Variants in OR51E2 observed in about 807,000 individuals in gnomAD.
OR51E2 encodes the protein olfactory receptor family 51 subfamily E member 2.
Under a neutral mutation model 13.7 loss-of-function variants are expected in OR51E2, and 14 were observed. That is an observed-to-expected ratio of 1.02 (90% CI 0.68 to 1.60). The LOEUF (loss-of-function observed/expected upper bound fraction) is 1.60. Ranked by LOEUF, OR51E2 falls within the 40% of genes most tolerant of loss-of-function variation. The pLI is 0.00. For synonymous variants in OR51E2, 180 were observed against 157.6 expected, an observed-to-expected ratio of 1.14 and a Z score of -1.07; for missense variants, 483 against 413.8, an observed-to-expected ratio of 1.17 and a Z score of -1.45.
In OR51E2 at chr11:4,682,053, A is replaced by G. The variant is rs1182465868; in HGVS notation, c.659T>C (p.Ile220Thr). ...VMFISLSYFL[I>T]IRTVLQLPSK... Reference sequence around the variant, plus strand: ...AGGCAGTTGCAGAACCGTTCGTATTATCAGAAAATAGGACAAGGAGATGAA... The same window carrying G: ...AGGCAGTTGCAGAACCGTTCGTATTGTCAGAAAATAGGACAAGGAGATGAA... The change falls in exon 2 of 2, where the codon ATA (isoleucine) becomes ACA (threonine). Residue 220 changes from isoleucine (I) to threonine (T), a missense_variant. Ile to Thr is a moderately conservative substitution (Grantham distance 89, BLOSUM62 -1). Transcript: ENST00000396950. The G allele has an allele frequency of 6.2e-7, 1 of 1,614,146 alleles. No homozygotes were observed. Among genetic ancestry groups the G allele is most frequent in the East Asian group, 2.2e-5 (1 of 44,902 alleles).
At chr11:4,682,886 G>T (rs79815978) in intron 1 of OR51E2, 125 bp from the exon 2 acceptor site, 2 of 630,864 alleles carry the variant, frequency 3.2e-6, no homozygotes, top group Middle Eastern at 4.4e-4. Flanking sequence ...TTCCAAAGGC[G>T]GGACTGTGAC....
chr11:4,681,716 C>T lies in OR51E2; in HGVS notation c.*33G>A, dbSNP rs747236986. Reference sequence around the variant, plus strand: ...TTAGAAATAATTATGTTTATCAAGCCAATAAAGATAAGGAGAAGTGTAGTG... The same window carrying T: ...TTAGAAATAATTATGTTTATCAAGCTAATAAAGATAAGGAGAAGTGTAGTG... On this transcript the variant is annotated 3_prime_UTR_variant, in exon 2 of 2. Coordinates refer to ENST00000396950, the MANE Select transcript of OR51E2 (RefSeq NM_030774.4). 2.3e-5 allele frequency: 37 copies of T among 1,604,916 alleles called. No homozygotes were observed. The highest frequency in any genetic ancestry group is 3.2e-5 in the Non-Finnish European group (37 of 1,172,712).
intron 1 of OR51E2, among the ~76,000 whole-genome samples, chr11:4,689,291 T>A (rs1271202454): frequency 1.3e-5 from 2 of 152,136 alleles, no homozygotes; most frequent in Non-Finnish European, 2.9e-5. Context: ...CTACAGGGAA[T>A]GATGAGGAAA....
chr11:4,696,668 C>T (rs12418506), intron 1 of OR51E2, among the ~76,000 whole-genome samples: 17,302 of 152,160 alleles, frequency 0.11, 1,333 homozygotes, highest in Middle Eastern at 0.18. Flanking sequence ...AGAATCTTTC[C>T]GACCCATCCT....
At position 4,690,578 on chromosome 11, in the gene OR51E2, C is replaced by A. The variant is rs910170681; in HGVS notation, c.-51+7075G>T. 17 of 255,336 alleles carry A rather than the reference C, an allele frequency of 6.7e-5. No homozygotes were observed. The East Asian group carries it at 1.2e-3, about 18-fold the overall frequency. 15.8% of individuals were successfully genotyped at this position (255,336 alleles called of 1,614,324 possible). Reference sequence around the variant, plus strand: ...CCATCCCATGTCTTCACCTCCTCATCTGGAAAATAAAGTAGTCAAACTAGC... The same window carrying A: ...CCATCCCATGTCTTCACCTCCTCATATGGAAAATAAAGTAGTCAAACTAGC... On this transcript the variant is annotated intron_variant, in intron 1 of 1. Transcript: ENST00000396950.
chr11:4,682,546 C>CGTGCAG lies in OR51E2; in HGVS notation c.160_165dup (p.Leu54_His55dup). 6.2e-7 allele frequency: 1 copy of CGTGCAG among 1,614,184 alleles called. No individual in the cohort carries two copies. Among genetic ancestry groups the CGTGCAG allele is most frequent in the Non-Finnish European group, 8.5e-7 (1 of 1,180,038 alleles). ...ATGCAGAGAAAGAGGTACATCGGAG[C>CGTGCAG]GTGCAGGCTGCGTTCCGTCCTTACG... On this transcript the variant is annotated inframe_insertion, in exon 2 of 2. Coordinates refer to ENST00000396950, the MANE Select transcript of OR51E2 (RefSeq NM_030774.4).
At chr11:4,686,727 C>T (rs940866541) in intron 1 of OR51E2, among the ~76,000 whole-genome samples, 1 of 152,146 alleles carries the variant, frequency 6.6e-6, no homozygotes, top group Non-Finnish European at 1.5e-5. Flanking sequence ...ACCATGTTCA[C>T]GTAGCTACAA....
chr11:4,682,218 A>C lies in OR51E2; in HGVS notation c.494T>G (p.Leu165Arg), dbSNP rs749154716. 2 of 1,614,232 alleles carry C rather than the reference A, an allele frequency of 1.2e-6. No homozygotes were observed. The highest frequency in any genetic ancestry group is 3.3e-5 in the Admixed American group (2 of 60,036). ...FFPLPLLIKR[L>R]AFCHSNVLSH... Reference sequence around the variant, plus strand: ...GAGGACATTGGAGTGGCAGAAGGCCAGCCGCTTGATCAGCAGAGGCAGTGG... The same window carrying C: ...GAGGACATTGGAGTGGCAGAAGGCCCGCCGCTTGATCAGCAGAGGCAGTGG... Residue 165 changes from leucine (L) to arginine (R), a missense_variant, in exon 2 of 2, where the codon CTG becomes CGG. Coordinates refer to ENST00000396950, the MANE Select transcript of OR51E2 (RefSeq NM_030774.4).
rs190109374 is a variant in OR51E2 at position 4,693,578 on chromosome 11, G to A, written c.-51+4075C>T. Among the ~76,000 whole-genome samples the A allele has an allele frequency of 1.2e-3, 186 of 152,144 alleles. 1 individual carries two copies. Among genetic ancestry groups the A allele is most frequent in the African/African-American group, 4.2e-3 (176 of 41,500 alleles). Reference sequence around the variant, plus strand: ...CTACTAAAAATACAAAAAATTAGCCGGGCGTGGTGGCGGGCGCCTGTAGTT... The same window carrying A: ...CTACTAAAAATACAAAAAATTAGCCAGGCGTGGTGGCGGGCGCCTGTAGTT... On this transcript the variant is annotated intron_variant, in intron 1 of 1. Transcript: ENST00000396950.
intron 1 of OR51E2, among the ~76,000 whole-genome samples, chr11:4,691,854 A>T (rs1397424683): frequency 6.6e-6 from 1 of 152,240 alleles, no homozygotes; most frequent in Non-Finnish European, 1.5e-5. Context: ...TAAATTGATT[A>T]AAAAATGTCA....
rs771709241 is a variant in OR51E2 at position 4,682,276 on chromosome 11, C to G, written c.436G>C (p.Val146Leu). 6.2e-7 allele frequency: 1 copy of G among 1,614,164 alleles called. No homozygotes were observed. Among genetic ancestry groups the G allele is most frequent in the Non-Finnish European group, 8.5e-7 (1 of 1,180,048 alleles). ...NNTVTAQIGI[V>L]AVVRGSLFFF... The stretch of plus-strand genomic sequence containing the variant: ...AAGAGGGATCCGCGGACCACAGCCA[C>G]GATGCCAATCTGGGCTGTTACTGTA... The change falls in exon 2 of 2, where the codon GTG (valine) becomes CTG (leucine). Residue 146 changes from valine to leucine, a missense_variant. Transcript: ENST00000396950.
intron 1 of OR51E2, chr11:4,691,026 G>C (rs1253561073): frequency 2.2e-6 from 1 of 456,418 alleles, no homozygotes; most frequent in African/African-American, 2.0e-5. Flanking sequence ...GCTAAGGACA[G>C]TCCTAATGAT....
intron 1 of OR51E2, among the ~76,000 whole-genome samples, chr11:4,683,585 C>T (rs556821280): frequency 4.6e-5 from 7 of 152,310 alleles, no homozygotes; most frequent in African/African-American, 1.7e-4. Flanking sequence ...CTGAAAGCTT[C>T]TTCCAAGGCC....
chr11:4,688,455 G>C (rs1014423158), intron 1 of OR51E2, among the ~76,000 whole-genome samples: 3 of 152,174 alleles, frequency 2.0e-5, no homozygotes, highest in African/African-American at 7.2e-5. Flanking sequence ...GACATAGAGT[G>C]AATCACTGGC....
chr11:4,687,890 T>C (rs1426686086), intron 1 of OR51E2, among the ~76,000 whole-genome samples: 1 of 152,114 alleles, frequency 6.6e-6, no homozygotes, highest in African/African-American at 2.4e-5. Flanking sequence ...GGAGTGAGAA[T>C]ATTCTAGGTG....
chr11:4,688,109 A>C (rs1847535808), intron 1 of OR51E2, among the ~76,000 whole-genome samples: 1 of 152,196 alleles, frequency 6.6e-6, no homozygotes, highest in African/African-American at 2.4e-5. Context: ...CAAATTCTTT[A>C]TTCTCAAAAA....
Position 4,681,568 on chromosome 11 carries a change from T to C in OR51E2, c.*181A>G, listed in dbSNP as rs1341208282. The C allele has an allele frequency of 3.2e-6, 2 of 624,228 alleles. No individual in the cohort carries two copies. Among genetic ancestry groups the C allele is most frequent in the East Asian group, 2.8e-5 (1 of 36,222 alleles). The allele number at this position is 624,228 out of a possible 1,614,324, so 38.7% of individuals were successfully genotyped here. On this transcript the variant is annotated 3_prime_UTR_variant, in exon 2 of 2. Transcript: ENST00000396950. ...TTATTGTAGTCTTTAAATCATGTAA[T>C]ACTTCATTAGTATGTATTATTCCAC...
At chr11:4,687,634 A>G (rs545700244) in intron 1 of OR51E2, among the ~76,000 whole-genome samples, 90 of 152,350 alleles carry the variant, frequency 5.9e-4, no homozygotes, top group African/African-American at 2.1e-3. Context: ...AGTAAAAGTT[A>G]CAATGGACCA....
chr11:4,682,470 A>C lies in OR51E2; in HGVS notation c.242T>G (p.Leu81Arg), dbSNP rs748736044. ...TCGGGAATCAAACCAGAAAAGGGCAAGGATCTTAGGCATGGTGGATGTGGA... is the reference window on the plus strand; with the variant it reads ...TCGGGAATCAAACCAGAAAAGGGCACGGATCTTAGGCATGGTGGATGTGGA... ...ALSTSTMPKI[L>R]ALFWFDSREI... The change falls in exon 2 of 2, where the codon CTT becomes CGT. Residue 81 changes from leucine to arginine, a missense_variant. Leu to Arg is a moderately radical substitution (Grantham distance 102, BLOSUM62 -2). Transcript: ENST00000396950. The C allele has an allele frequency of 1.2e-6, 2 of 1,614,240 alleles. No homozygotes were observed. The highest frequency in any genetic ancestry group is 3.3e-5 in the Admixed American group (2 of 60,032).
Sources: gnomAD v4.1 joint callset for allele counts (sites outside exome capture counted in the v4.1 genomes callset) on GRCh38, gnomAD v4.1.1 for gene constraint, MANE v1.5 for transcripts, NCBI Gene and HGNC (gene_info 2026-07-23, HGNC 2026-07-21) for gene names.